The following FGF12 variants were observed in gnomAD, a reference collection of about 807,000 sequenced individuals.
FGF12 encodes fibroblast growth factor 12.
FGF12 carries 14 observed loss-of-function variants against 23.6 expected under a neutral mutation model. The observed-to-expected ratio is 0.59, with a 90% CI of 0.39 to 0.93. FGF12 has a LOEUF of 0.93. FGF12 is among the 40% of genes least tolerant of loss of function. The probability of loss-of-function intolerance (pLI) is 0.00; values close to 1 mark genes in which losing one functional copy is unlikely to be tolerated. For synonymous variants in FGF12, 62 were observed against 77.3 expected (o/e 0.80, Z 1.04); for missense variants, 175 against 217.8 (o/e 0.80, Z 1.24).
intron 2 of FGF12, among the ~76,000 whole-genome samples, chr3:192,482,222 T>C (rs1459078482): frequency 6.6e-6 from 1 of 152,108 alleles, no homozygotes; most frequent in East Asian, 1.9e-4. Context: ...AAAATGTGTA[T>C]GAGAAAAAAT....
rs1344910706 is a variant in FGF12, at chr3:192,321,494, TCAAA to T, written c.228+13863_228+13866del. On this transcript the variant is annotated intron_variant, in intron 4 of 5. Coordinates refer to ENST00000445105, the MANE Select transcript of FGF12 (RefSeq NM_004113.6). ...TGATACCAAAACCTGATAAAGACAT[TCAAA>T]AAAAAAAAAAAAACCACACAAAAAA... Among the ~76,000 whole-genome samples, 158 of 115,466 alleles carry T rather than the reference TCAAA, an allele frequency of 1.4e-3. 1 individual carries two copies. The highest frequency in any genetic ancestry group is 5.1e-3 in the African/African-American group (152 of 29,524). The allele number at this position is 115,466 out of a possible 152,430, so 75.8% of individuals were successfully genotyped here. A position where few individuals can be genotyped will look rare whatever the true frequency, so the allele number is the denominator to read the frequency against.
intron 4 of FGF12, among the ~76,000 whole-genome samples, chr3:192,241,224 T>C (rs1185967435): frequency 2.0e-5 from 3 of 152,178 alleles, no homozygotes; most frequent in Non-Finnish European, 4.4e-5. Flanking sequence ...GAAATTTGAA[T>C]CTATACATTT....
At chr3:192,198,508 T>G (rs1291953535) in intron 4 of FGF12, among the ~76,000 whole-genome samples, 1 of 152,212 alleles carries the variant, frequency 6.6e-6, no homozygotes, top group East Asian at 1.9e-4. Context: ...ACCTCACTTA[T>G]TCAGCCATGA....
chr3:192,329,609 T>G (rs1560072388), intron 4 of FGF12, among the ~76,000 whole-genome samples: 1 of 152,168 alleles, frequency 6.6e-6, no homozygotes, highest in Non-Finnish European at 1.5e-5. Flanking sequence ...GTCTTTCCTG[T>G]ATAAAATGAA....
chr3:192,171,294 A>G (rs1450201446), intron 4 of FGF12, among the ~76,000 whole-genome samples: 3 of 152,188 alleles, frequency 2.0e-5, no homozygotes, highest in Non-Finnish European at 1.5e-5. Flanking sequence ...ATTACTATTG[A>G]CCTCAGTGAA....
chr3:192,351,233 A>G (rs2108722551), intron 3 of FGF12, among the ~76,000 whole-genome samples: 1 of 152,278 alleles, frequency 6.6e-6, no homozygotes, highest in African/African-American at 2.4e-5. Flanking sequence ...TCTTTTCTAA[A>G]CGCTTCATTT....
At chr3:192,643,296 A>T in intron 2 of FGF12, among the ~76,000 whole-genome samples, 1 of 152,096 alleles carries the variant, frequency 6.6e-6, no homozygotes, top group East Asian at 1.9e-4. Flanking sequence ...GAATTACAAA[A>T]TTTTTAAAAA....
At position 192,317,345 on chromosome 3, in the gene FGF12, A is replaced by C. The variant is rs74447093; in HGVS notation, c.228+18016T>G. Among the ~76,000 whole-genome samples the C allele has an allele frequency of 1.9e-3, 293 of 151,922 alleles. 4 individuals are homozygous for C. Among genetic ancestry groups the C allele is most frequent in the African/African-American group, 6.6e-3 (273 of 41,432 alleles). On this transcript the variant is annotated intron_variant, in intron 4 of 5. Transcript: ENST00000445105. ...CTGGACCAGTCCTGGGGCAGAAGTG[A>C]GCCCACTGTCCTAAAGAGCGAGACC...
chr3:192,275,515 A>G (rs1254843758), intron 4 of FGF12, among the ~76,000 whole-genome samples: 3 of 152,188 alleles, frequency 2.0e-5, no homozygotes, highest in Non-Finnish European at 4.4e-5. Flanking sequence ...TAGGATCTTC[A>G]AACTAAAATC....
intron 2 of FGF12, among the ~76,000 whole-genome samples, chr3:192,398,519 GA>G (rs1720624105): frequency 3.3e-5 from 5 of 151,928 alleles, no homozygotes. Context: ...AAGTAGCTGG[GA>G]TTACAGGCAT....
chr3:192,580,668 C>T (rs993314952), intron 2 of FGF12, among the ~76,000 whole-genome samples: 1 of 152,114 alleles, frequency 6.6e-6, no homozygotes, highest in African/African-American at 2.4e-5. Context: ...AGTGCAGTGG[C>T]CCGATCTCAG....
rs35810428 is a variant in FGF12, at chr3:192,542,028, A to ATT, written c.14-181492_14-181491dup. On this transcript the variant is annotated intron_variant, in intron 2 of 5. Coordinates refer to ENST00000445105, the MANE Select transcript of FGF12 (RefSeq NM_004113.6). ...ATAGGTGCACATCACCATGCCTGGC[A>ATT]TTTTTTTTTTTTTTTTGTATTTTTA... Among the ~76,000 whole-genome samples the ATT allele has an allele frequency of 6.1e-3, 839 of 137,690 alleles. 10 individuals are homozygous for ATT. The highest frequency in any genetic ancestry group is 0.021 in the African/African-American group (793 of 37,500). The allele number at this position is 137,690 out of a possible 152,430, so 90.3% of individuals were successfully genotyped here.
Position 192,142,833 on chromosome 3 carries a change from C to T in FGF12, c.*1176G>A, listed in dbSNP as rs1713474103. Reference sequence around the variant, plus strand: ...TGTAACAGGATCATACATAGAGCAACAAATTAGCTACTGGCTTTGTAAGAT... The same window carrying T: ...TGTAACAGGATCATACATAGAGCAATAAATTAGCTACTGGCTTTGTAAGAT... On this transcript the variant is annotated 3_prime_UTR_variant, in exon 6 of 6. Coordinates refer to ENST00000445105, the MANE Select transcript of FGF12 (RefSeq NM_004113.6). 1 of 152,044 alleles carries T rather than the reference C, an allele frequency of 6.6e-6. No homozygotes were observed. The highest frequency in any genetic ancestry group is 1.5e-5 in the Non-Finnish European group (1 of 67,962). The allele number at this position is 152,044 out of a possible 1,614,324, so 9.4% of individuals were successfully genotyped here.
intron 2 of FGF12, among the ~76,000 whole-genome samples, chr3:192,387,718 AAT>A (rs61165047): frequency 2.7e-4 from 40 of 147,320 alleles, no homozygotes; most frequent in Admixed American, 4.1e-4. Context: ...ACACACACAC[AAT>A]ATATATATAT....
chr3:192,717,308 C>T (rs141214274), intron 2 of FGF12, among the ~76,000 whole-genome samples: 1 of 152,140 alleles, frequency 6.6e-6, no homozygotes, highest in Non-Finnish European at 1.5e-5. Flanking sequence ...CATCTCTATG[C>T]TTGACTTTTC....
chr3:192,610,279 T>G (rs1714503507), intron 2 of FGF12, among the ~76,000 whole-genome samples: 1 of 152,032 alleles, frequency 6.6e-6, no homozygotes, highest in Non-Finnish European at 1.5e-5. Flanking sequence ...GCTGAGAGCT[T>G]ACTGAATGTG....
intron 4 of FGF12, among the ~76,000 whole-genome samples, chr3:192,303,482 A>C (rs1365035183): frequency 1.3e-5 from 2 of 152,208 alleles, no homozygotes; most frequent in African/African-American, 4.8e-5. Context: ...TGTTAAGTGC[A>C]ATGACATCTC....
At chr3:192,481,231 AG>A (rs1465772679) in intron 2 of FGF12, among the ~76,000 whole-genome samples, 1 of 152,148 alleles carries the variant, frequency 6.6e-6, no homozygotes, top group African/African-American at 2.4e-5. Flanking sequence ...ATTTCATGTA[AG>A]GGTACGTTGA....
Position 192,264,822 on chromosome 3 carries a change from G to A in FGF12, c.228+70539C>T, listed in dbSNP as rs76150383. 4.3e-3 allele frequency among the ~76,000 whole-genome samples: 658 copies of A among 152,152 alleles called. 5 individuals carry two copies. Among genetic ancestry groups the A allele is most frequent in the African/African-American group, 0.015 (634 of 41,538 alleles). ...AGAAGTCTAGCCCTAGAAACTTACA[G>A]CAAATGTCTAGTGAACCTTAAAACG... On this transcript the variant is annotated intron_variant, in intron 4 of 5. Transcript: ENST00000445105.
Sources: gnomAD v4.1 joint callset for allele counts (sites outside exome capture counted in the v4.1 genomes callset) on GRCh38, gnomAD v4.1.1 for gene constraint, MANE v1.5 for transcripts, NCBI Gene and HGNC (gene_info 2026-07-23, HGNC 2026-07-21) for gene names.